ELP5: variants seen among roughly 807,000 people sequenced by gnomAD.
ELP5 encodes the protein elongator complex protein 5.
Under a neutral mutation model 33.4 loss-of-function variants are expected in ELP5, and 34 were observed. That is an observed-to-expected ratio of 1.02 (90% confidence interval 0.78 to 1.36). The LOEUF (loss-of-function observed/expected upper bound fraction) is 1.36, where lower values mean the gene tolerates loss of function less well. Among genes scored for constraint, ELP5 ranks in the 40% most tolerant of loss-of-function variants. The pLI, the probability that ELP5 is intolerant of heterozygous loss-of-function variation, is 0.00. For missense variants in ELP5, 373 were observed against 371.7 expected, an observed-to-expected ratio of 1.00 and a Z score of -0.03; for synonymous variants, 161 against 146.4, an observed-to-expected ratio of 1.10 and a Z score of -0.72.
chr17:7,257,106 C>G, intron 5 of ELP5, 68 bp downstream of exon 5: 1 of 1,436,556 alleles, frequency 7.0e-7, no homozygotes, highest in Non-Finnish European at 9.2e-7. Context: ...ATGGGAAGAA[C>G]AATGAAAATG....
intron 7 of ELP5, 52 bp downstream of exon 7, chr17:7,258,978 G>A (rs1289907827): frequency 5.0e-6 from 8 of 1,611,644 alleles, no homozygotes; most frequent in Non-Finnish European, 6.8e-6. Flanking sequence ...CAGCATCTGG[G>A]CCATGGAGAG....
chr17:7,255,797 C>T (rs2072062866), intron 4 of ELP5, among the ~76,000 whole-genome samples: 1 of 152,250 alleles, frequency 6.6e-6, no homozygotes, highest in Non-Finnish European at 1.5e-5. Context: ...CGCAGTGGCT[C>T]ATGCCTGTAA....
At position 7,256,965 on chromosome 17, in the gene ELP5, C is replaced by T. The variant is rs1349170143; in HGVS notation, c.518C>T (p.Thr173Ile). The T allele has an allele frequency of 6.2e-7, 1 of 1,613,242 alleles. No homozygotes were observed. The highest frequency in any genetic ancestry group is 1.7e-5 in the Admixed American group (1 of 59,992). ...ALSSLAQTEV[T>I]LGGTMGQASA... ...AGCAGCCTTGCTCAGACTGAGGTGACCCTGGGCGGTACCATGGGCCAGGCC... is the reference window on the plus strand; with the variant it reads ...AGCAGCCTTGCTCAGACTGAGGTGATCCTGGGCGGTACCATGGGCCAGGCC... Residue 173 changes from threonine to isoleucine, a missense_variant, in exon 5 of 8, where the codon ACC becomes ATC. Physicochemically the swap from Thr to Ile is moderately conservative, Grantham distance 89. Transcript: ENST00000396628.
intron 3 of ELP5, among the ~76,000 whole-genome samples, chr17:7,254,267 G>A (rs183601660): frequency 6.6e-6 from 1 of 152,300 alleles, no homozygotes; most frequent in East Asian, 1.9e-4. Context: ...CATTTATCAG[G>A]CATATACTAT....
chr17:7,259,936 AAG>A (rs1379823454), exon 8 of ELP5: 1 of 443,354 alleles, frequency 2.3e-6, no homozygotes, highest in East Asian at 4.1e-5. Flanking sequence ...TTTATTAAAA[AAG>A]AAGTACTTTG....
In ELP5 at chr17:7,252,983, C is replaced by G; in HGVS notation, c.173C>G (p.Ser58Cys). ...SEEEFREGFD[S>C]DINNRLVYHD... ...GAAGAGTTTCGTGAAGGTTTTGACT[C>G]TGATATCAACAATCGGTAAGTACCA... The change falls in exon 3 of 8, where the codon TCT becomes TGT. Residue 58 changes from serine (S) to cysteine (C), a missense_variant. Physicochemically the swap from Ser to Cys is moderately radical, Grantham distance 112. Coordinates refer to ENST00000396628, the MANE Select transcript of ELP5 (RefSeq NM_203414.3). 1 of 1,614,128 alleles carries G rather than the reference C, an allele frequency of 6.2e-7. No homozygotes were observed. Among genetic ancestry groups the G allele is most frequent in the Non-Finnish European group, 8.5e-7 (1 of 1,179,998 alleles).
intron 5 of ELP5, among the ~76,000 whole-genome samples, chr17:7,258,266 T>C (rs1222534558): frequency 6.6e-6 from 1 of 151,898 alleles, no homozygotes; most frequent in Non-Finnish European, 1.5e-5. Flanking sequence ...CTGGCCAATA[T>C]AGCAAAACCC....
Position 7,259,631 on chromosome 17 carries a change from A to T in ELP5, c.849A>T (p.Pro283=). 2.5e-6 allele frequency: 4 copies of T among 1,614,266 alleles called. No homozygotes were observed. Among genetic ancestry groups the T allele is most frequent in the Non-Finnish European group, 3.4e-6 (4 of 1,180,044 alleles). Residue 283 remains proline, a synonymous_variant, in exon 8 of 8, where the codon CCA becomes CCT. Coordinates refer to ENST00000396628, the MANE Select transcript of ELP5 (RefSeq NM_203414.3). ...CTACCAGCCACATCTTCTATGAGCC[A>T]GATGCTTATGATGACCTGGACCAAG... ...GQATSHIFYE[P]DAYDDLDQED...
chr17:7,255,714 G>C (rs1187723938), intron 4 of ELP5, among the ~76,000 whole-genome samples: 1 of 152,158 alleles, frequency 6.6e-6, no homozygotes. Context: ...ATGGGGGAAG[G>C]TACAAGGGAA....
rs748775737 is a variant in ELP5 at position 7,259,622 on chromosome 17, C to T, written c.840C>T (p.Phe280=). 3.1e-6 allele frequency: 5 copies of T among 1,614,274 alleles called. No homozygotes were observed. In the Admixed American group the frequency reaches 8.3e-5, roughly 27 times the overall value. Reference sequence around the variant, plus strand: ...CAGGGCAGGCTACCAGCCACATCTTCTATGAGCCAGATGCTTATGATGACC... The same window carrying T: ...CAGGGCAGGCTACCAGCCACATCTTTTATGAGCCAGATGCTTATGATGACC... The part of the protein sequence containing the change: ...PRPGQATSHI[F]YEPDAYDDLD... Residue 280 remains phenylalanine (F), a synonymous_variant, in exon 8 of 8, where the codon TTC becomes TTT. Coordinates refer to ENST00000396628, the MANE Select transcript of ELP5 (RefSeq NM_203414.3).
At chr17:7,253,124 A>G in intron 3 of ELP5, 126 bp downstream of exon 3, 2 of 940,854 alleles carry the variant, frequency 2.1e-6, no homozygotes, top group South Asian at 2.9e-5. Context: ...AGAATTGGAT[A>G]TGGATCTTTC....
Position 7,258,938 on chromosome 17 carries a change from A to AC in ELP5, c.788+14dup. 6.2e-7 allele frequency: 1 copy of AC among 1,614,106 alleles called. No individual in the cohort carries two copies. The highest frequency in any genetic ancestry group is 1.7e-4 in the Middle Eastern group (1 of 6,042). ...TTCAGTTCTGAAAAGTAAGGTTGGGACCTGGGTACGTGGATCCCTGAGTAG... is the reference window on the plus strand; with the variant it reads ...TTCAGTTCTGAAAAGTAAGGTTGGGACCCTGGGTACGTGGATCCCTGAGTAG... On this transcript the variant is annotated intron_variant, in intron 7 of 7. Coordinates refer to ENST00000396628, the MANE Select transcript of ELP5 (RefSeq NM_203414.3).
intron 1 of ELP5, 58 bp downstream of exon 1, chr17:7,252,654 G>A: frequency 6.2e-7 from 1 of 1,602,960 alleles, no homozygotes; most frequent in South Asian, 1.1e-5. Flanking sequence ...TGGCTGAGGG[G>A]ACGGAAGTGG....
chr17:7,256,382 T>G (rs1351546188), intron 4 of ELP5, among the ~76,000 whole-genome samples: 2 of 152,184 alleles, frequency 1.3e-5, no homozygotes, highest in Non-Finnish European at 2.9e-5. Flanking sequence ...TGTCAGTGAT[T>G]TCATACAGTT....
chr17:7,259,426 T>C lies in ELP5; in HGVS notation c.789-145T>C, dbSNP rs1597588356. ...ACCAAATGGTGCTTCAGCTCTAACA[T>C]GGAGGTCAGAGAAAGGGACTTGGAC... On this transcript the variant is annotated intron_variant, in intron 7 of 7. Transcript: ENST00000396628. The C allele has an allele frequency of 6.8e-6, 10 of 1,466,292 alleles. No individual in the cohort carries two copies. The East Asian group carries it at 2.4e-4, about 36-fold the overall frequency. 90.8% of individuals were successfully genotyped at this position (1,466,292 alleles called of 1,614,324 possible).
chr17:7,257,335 C>T (rs1400361445), intron 5 of ELP5, among the ~76,000 whole-genome samples: 1 of 151,810 alleles, frequency 6.6e-6, no homozygotes, highest in Non-Finnish European at 1.5e-5. Flanking sequence ...TCACTCACTT[C>T]ATTTAATCCT....
intron 5 of ELP5, 74 bp from the exon 6 acceptor site, chr17:7,258,514 G>A (rs2072129766): frequency 7.1e-7 from 1 of 1,400,190 alleles, no homozygotes; most frequent in South Asian, 1.2e-5. Flanking sequence ...ATTGGGGGCT[G>A]AGGATGTGAG....
intron 4 of ELP5, 28 bp from the exon 5 acceptor site, chr17:7,256,829 C>T (rs1486953988): frequency 6.2e-7 from 1 of 1,612,548 alleles, no homozygotes; most frequent in Non-Finnish European, 8.5e-7. Flanking sequence ...ATGCTCCCTA[C>T]TATCCTACAT....
At chr17:7,258,309 T>C (rs2521989) in intron 5 of ELP5, among the ~76,000 whole-genome samples, 105,223 of 150,878 alleles carry the variant, frequency 0.7, 37,266 homozygotes, top group African/African-American at 0.84. Context: ...ATTAGCTGGG[T>C]GTGGTAGCAC....
Sources: gnomAD v4.1 joint callset for allele counts (sites outside exome capture counted in the v4.1 genomes callset) on GRCh38, gnomAD v4.1.1 for gene constraint, MANE v1.5 for transcripts, NCBI Gene and HGNC (gene_info 2026-07-23, HGNC 2026-07-21) for gene names.